MRPS28: variants seen among roughly 807,000 people sequenced by gnomAD.
MRPS28 encodes the protein mitochondrial ribosomal protein S28.
In MRPS28, 7 loss-of-function variants were observed where a neutral mutation model predicts 10.8. The ratio of observed to expected loss-of-function variants is 0.65; its 90% CI spans 0.37 to 1.22. The LOEUF (loss-of-function observed/expected upper bound fraction) is 1.22, where lower values mean the gene tolerates loss of function less well. MRPS28 is among the 50% of genes most tolerant of loss of function. The pLI, the probability that MRPS28 is intolerant of heterozygous loss-of-function variation, is 0.02. For missense variants in MRPS28, 265 were observed against 232.9 expected (o/e 1.14, Z -0.90); for synonymous variants, 121 against 93.3 (o/e 1.30, Z -1.71).
intron 2 of MRPS28, among the ~76,000 whole-genome samples, chr8:79,946,048 C>A (rs1269893092): frequency 6.6e-6 from 1 of 152,112 alleles, no homozygotes; most frequent in Admixed American, 6.5e-5. Flanking sequence ...AATTTCAAGA[C>A]CAATTTTTGC....
chr8:80,004,845 G>C (rs1353277200), intron 1 of MRPS28, among the ~76,000 whole-genome samples: 1 of 152,234 alleles, frequency 6.6e-6, no homozygotes, highest in Non-Finnish European at 1.5e-5. Context: ...GAATGCACAA[G>C]CTTCAGTAGC....
chr8:79,976,970 C>G (rs1807819367), intron 2 of MRPS28, among the ~76,000 whole-genome samples: 1 of 152,038 alleles, frequency 6.6e-6, no homozygotes. Flanking sequence ...CAGAGATGTT[C>G]CAGACTGTGT....
chr8:79,929,665 G>C (rs1806406492), intron 2 of MRPS28, among the ~76,000 whole-genome samples: 1 of 152,020 alleles, frequency 6.6e-6, no homozygotes, highest in Non-Finnish European at 1.5e-5. Flanking sequence ...TAGGATGGCA[G>C]ATTCACAGCA....
chr8:79,951,302 CTG>C (rs779587263), intron 2 of MRPS28, among the ~76,000 whole-genome samples: 1 of 152,186 alleles, frequency 6.6e-6, no homozygotes, highest in Non-Finnish European at 1.5e-5. Context: ...GGGCATTACT[CTG>C]TAGAATCTCA....
chr8:79,938,231 G>GT lies in MRPS28; in HGVS notation c.396-19084_396-19083insA, dbSNP rs1187150958. 6.3e-5 allele frequency among the ~76,000 whole-genome samples: 9 copies of GT among 143,306 alleles called. No homozygotes were observed. The East Asian group carries it at 1.7e-3, about 28-fold the overall frequency. 94.0% of individuals were successfully genotyped at this position (143,306 alleles called of 152,430 possible). ...GTGCTACATTAAAAAGACATAGGTG[G>GT]GGGGGGGCATGCTCCTCCTATTTGC... On this transcript the variant is annotated intron_variant, in intron 2 of 2. Transcript: ENST00000276585.
chr8:80,015,666 A>G (rs903482710), intron 1 of MRPS28, among the ~76,000 whole-genome samples: 5 of 152,194 alleles, frequency 3.3e-5, no homozygotes, highest in Admixed American at 2.0e-4. Flanking sequence ...ACAAAAAAGC[A>G]AAAAACACAG....
rs761796545 is a variant in MRPS28 at position 80,030,224 on chromosome 8, C to T, written c.25G>A (p.Ala9Thr). MAALCRTR[A>T]VAAESHFLRV... ...AGAAAATGGCTCTCGGCAGCCACAG[C>T]ACGGGTCCGACACAGCGCCGCCATG... The change falls in exon 1 of 3, where the codon GCT becomes ACT. Residue 9 changes from alanine to threonine, a missense_variant. By Grantham distance (58) the Ala-to-Thr change is moderately conservative. Coordinates refer to ENST00000276585, the MANE Select transcript of MRPS28 (RefSeq NM_014018.3). 1 of 1,614,100 alleles carries T rather than the reference C, an allele frequency of 6.2e-7. No homozygotes were observed. The highest frequency in any genetic ancestry group is 1.1e-5 in the South Asian group (1 of 91,088).
chr8:79,929,810 G>A (rs1241379300), intron 2 of MRPS28, among the ~76,000 whole-genome samples: 1 of 152,112 alleles, frequency 6.6e-6, no homozygotes, highest in African/African-American at 2.4e-5. Flanking sequence ...TTTGAATTCA[G>A]TAAGGGTTGA....
chr8:80,029,855 A>G (rs1171878708), intron 1 of MRPS28, 181 bp downstream of exon 1: 1 of 1,535,378 alleles, frequency 6.5e-7, no homozygotes, highest in East Asian at 2.4e-5. Context: ...CGAAAGGAAG[A>G]AAAACACCAA....
At chr8:79,929,969 G>A (rs764890326) in intron 2 of MRPS28, among the ~76,000 whole-genome samples, 14 of 152,138 alleles carry the variant, frequency 9.2e-5, no homozygotes, top group Admixed American at 7.9e-4. Flanking sequence ...GGTAGGTCAG[G>A]TGTACAGTAA....
chr8:80,007,265 C>A (rs916991565), intron 1 of MRPS28, among the ~76,000 whole-genome samples: 2 of 152,126 alleles, frequency 1.3e-5, no homozygotes, highest in Non-Finnish European at 2.9e-5. Context: ...ATTGATGGCA[C>A]GTATCTCAAA....
Position 79,961,082 on chromosome 8 carries a change from A to G in MRPS28, c.395+41917T>C, listed in dbSNP as rs1807361662. ...CCAAGGCCCATAACTCTGTTTAACT[A>G]CTATATCCTGAATAAAAAGTTAATT... On this transcript the variant is annotated intron_variant, in intron 2 of 2. Coordinates refer to ENST00000276585, the MANE Select transcript of MRPS28 (RefSeq NM_014018.3). Among the ~76,000 whole-genome samples the G allele has an allele frequency of 2.6e-5, 4 of 152,086 alleles. No individual in the cohort carries two copies. In the South Asian group the frequency reaches 8.3e-4, roughly 31 times the overall value.
At chr8:80,025,901 C>T (rs1244165181) in intron 1 of MRPS28, among the ~76,000 whole-genome samples, 5 of 152,122 alleles carry the variant, frequency 3.3e-5, no homozygotes, top group Admixed American at 6.5e-5. Context: ...ATTCATACTA[C>T]GAACCAATTA....
intron 1 of MRPS28, among the ~76,000 whole-genome samples, chr8:80,010,397 AC>A (rs1809004899): frequency 6.6e-6 from 1 of 152,226 alleles, no homozygotes. Flanking sequence ...TTAAAGCTAC[AC>A]AACTATATTT....
At chr8:79,932,503 C>T (rs749870408) in intron 2 of MRPS28, among the ~76,000 whole-genome samples, 6 of 152,094 alleles carry the variant, frequency 3.9e-5, no homozygotes, top group Non-Finnish European at 8.8e-5. Context: ...TGGCAGGACT[C>T]GCAGGTCAGA....
chr8:80,019,371 A>G (rs1029018853), intron 1 of MRPS28, among the ~76,000 whole-genome samples: 5 of 150,486 alleles, frequency 3.3e-5, no homozygotes, highest in African/African-American at 1.2e-4. Flanking sequence ...GTAATCCATC[A>G]CATCAATTGG....
intron 1 of MRPS28, 37 bp from the exon 2 acceptor site, chr8:80,003,217 C>A (rs376289293): frequency 1.5e-6 from 2 of 1,364,706 alleles, no homozygotes; most frequent in African/African-American, 3.0e-5. Context: ...ACATATAACT[C>A]AACATGAAGG....
At chr8:80,011,954 A>C (rs1809064143) in intron 1 of MRPS28, among the ~76,000 whole-genome samples, 1 of 152,170 alleles carries the variant, frequency 6.6e-6, no homozygotes, top group Admixed American at 6.5e-5. Context: ...AGTAAGTGGT[A>C]TTTTCCCCTT....
intron 2 of MRPS28, among the ~76,000 whole-genome samples, chr8:79,961,640 A>G (rs1186090026): frequency 6.6e-6 from 1 of 152,150 alleles, no homozygotes; most frequent in Non-Finnish European, 1.5e-5. Context: ...CACCACCACA[A>G]TATGGCCAAA....
Sources: allele counts gnomAD v4.1 joint callset (sites outside exome capture counted in the v4.1 genomes callset), GRCh38; gene constraint gnomAD v4.1.1; transcripts MANE v1.5; gene names NCBI Gene and HGNC (gene_info 2026-07-23, HGNC 2026-07-21).